The following CACNA2D3 variants were observed in gnomAD, a reference collection of about 807,000 sequenced individuals.
CACNA2D3 encodes calcium voltage-gated channel auxiliary subunit alpha2delta 3, also known as voltage-dependent calcium channel subunit alpha-2/delta-3.
CACNA2D3 carries 60 observed loss-of-function variants against 160.6 expected under a neutral mutation model. The ratio of observed to expected loss-of-function variants is 0.37; its 90% CI spans 0.30 to 0.46. CACNA2D3 has a LOEUF of 0.46. Ranked by LOEUF, CACNA2D3 falls within the 20% of genes least tolerant of loss-of-function variation. The pLI is 1.00. For synonymous variants in CACNA2D3, 558 were observed against 492.9 expected, an observed-to-expected ratio of 1.13 and a Z score of -1.75; for missense variants, 1,205 against 1,365.0, an observed-to-expected ratio of 0.88 and a Z score of 1.85.
At chr3:54,892,029 T>C (rs1700082044) in intron 25 of CACNA2D3, among the ~76,000 whole-genome samples, 1 of 152,092 alleles carries the variant, frequency 6.6e-6, no homozygotes, top group South Asian at 2.1e-4. Context: ...AGTTTCCAGG[T>C]CTAGTACCCA....
chr3:54,652,905 C>T (rs144751530), intron 11 of CACNA2D3, among the ~76,000 whole-genome samples: 128 of 151,656 alleles, frequency 8.4e-4, no homozygotes, highest in Non-Finnish European at 1.0e-3. Context: ...GTCTCAGCCT[C>T]CCAAGTAGCT....
Position 54,315,209 on chromosome 3 carries a change from C to T in CACNA2D3, c.205-5233C>T, listed in dbSNP as rs559647352. On this transcript the variant is annotated intron_variant, in intron 2 of 37. Transcript: ENST00000474759. ...ATTTCTAATTGAGGTTCCAGGGCCCCCTCCAGAATGGGCTTGCTTTGCCCT... is the reference window on the plus strand; with the variant it reads ...ATTTCTAATTGAGGTTCCAGGGCCCTCTCCAGAATGGGCTTGCTTTGCCCT... 3.9e-5 allele frequency among the ~76,000 whole-genome samples: 6 copies of T among 152,268 alleles called. No individual in the cohort carries two copies. The South Asian group carries it at 8.3e-4, about 21-fold the overall frequency.
chr3:54,531,285 G>A (rs6414584), intron 5 of CACNA2D3, among the ~76,000 whole-genome samples: 95,471 of 152,130 alleles, frequency 0.63, 30,194 homozygotes, highest in South Asian at 0.65. Flanking sequence ...AACTTGGGCC[G>A]GGACTTACAG....
chr3:54,559,158 G>A (rs1702285329), intron 5 of CACNA2D3, among the ~76,000 whole-genome samples: 1 of 152,136 alleles, frequency 6.6e-6, no homozygotes, highest in Middle Eastern at 3.4e-3. Flanking sequence ...TTTGAAACAG[G>A]GTCTTCAGAG....
intron 16 of CACNA2D3, among the ~76,000 whole-genome samples, chr3:54,846,015 G>A (rs1445302183): frequency 6.6e-6 from 1 of 152,132 alleles, no homozygotes; most frequent in Non-Finnish European, 1.5e-5. Flanking sequence ...CTTATTACAG[G>A]CAGAGAGAAG....
At chr3:54,918,864 T>C in intron 27 of CACNA2D3, 1 of 1,558,494 alleles carries the variant, frequency 6.4e-7, no homozygotes, top group Non-Finnish European at 8.7e-7. Flanking sequence ...TGTCTGGTGA[T>C]TCACAGATGA....
intron 12 of CACNA2D3, among the ~76,000 whole-genome samples, chr3:54,763,283 T>G (rs1247347405): frequency 6.6e-6 from 1 of 152,018 alleles, no homozygotes; most frequent in Non-Finnish European, 1.5e-5. Flanking sequence ...ACTTGATGCC[T>G]GAGAGAACAT....
At chr3:54,780,866 A>G (rs1461200255) in intron 13 of CACNA2D3, among the ~76,000 whole-genome samples, 2 of 152,214 alleles carry the variant, frequency 1.3e-5, no homozygotes, top group East Asian at 1.9e-4. Context: ...CCATCATAGC[A>G]CTTGACAATC....
At chr3:54,999,493 C>T (rs1702934647) in intron 31 of CACNA2D3, among the ~76,000 whole-genome samples, 1 of 152,154 alleles carries the variant, frequency 6.6e-6, no homozygotes, top group South Asian at 2.1e-4. Context: ...TTCGGAATTG[C>T]TTAATTATGT....
intron 2 of CACNA2D3, among the ~76,000 whole-genome samples, chr3:54,166,834 T>C (rs757728547): frequency 3.9e-5 from 6 of 152,254 alleles, no homozygotes; most frequent in Non-Finnish European, 7.3e-5. Flanking sequence ...GCAGACTTCA[T>C]GGTCTGAAAA....
At chr3:54,930,138 A>G (rs943753163) in intron 27 of CACNA2D3, among the ~76,000 whole-genome samples, 7 of 152,310 alleles carry the variant, frequency 4.6e-5, no homozygotes, top group African/African-American at 1.7e-4. Flanking sequence ...TTTATTTACA[A>G]AAACAGGTAG....
chr3:54,178,324 C>G (rs933811339), intron 2 of CACNA2D3, among the ~76,000 whole-genome samples: 1 of 152,212 alleles, frequency 6.6e-6, no homozygotes, highest in Non-Finnish European at 1.5e-5. Context: ...GGGTACCTAC[C>G]TTGGCCTCCT....
intron 11 of CACNA2D3, among the ~76,000 whole-genome samples, chr3:54,675,917 C>T (rs1386584985): frequency 6.6e-6 from 1 of 152,202 alleles, no homozygotes; most frequent in African/African-American, 2.4e-5. Context: ...CTCCACACCA[C>T]TTCCACCGCC....
At chr3:54,551,194 G>A (rs1261207465) in intron 5 of CACNA2D3, among the ~76,000 whole-genome samples, 1 of 152,074 alleles carries the variant, frequency 6.6e-6, no homozygotes, top group Admixed American at 6.5e-5. Context: ...GCTCTGCCAG[G>A]ACCACTCTAC....
intron 11 of CACNA2D3, among the ~76,000 whole-genome samples, chr3:54,705,350 A>G (rs915472782): frequency 6.6e-6 from 1 of 152,152 alleles, no homozygotes; most frequent in African/African-American, 2.4e-5. Flanking sequence ...AACTAGAATT[A>G]TAAGGTAACT....
chr3:54,983,377 A>G (rs1575421413), intron 29 of CACNA2D3, among the ~76,000 whole-genome samples: 1 of 152,246 alleles, frequency 6.6e-6, no homozygotes, highest in Admixed American at 6.5e-5. Flanking sequence ...ACACAGTTCT[A>G]TGAGATTGCT....
chr3:54,600,139 C>T lies in CACNA2D3; in HGVS notation c.963+18262C>T, dbSNP rs903856035. Reference sequence around the variant, plus strand: ...CAGTTCTGCGGTTTCAAGCAGTGTTCGACGCACCTTCATGGGGTTGGGGGA... The same window carrying T: ...CAGTTCTGCGGTTTCAAGCAGTGTTTGACGCACCTTCATGGGGTTGGGGGA... On this transcript the variant is annotated intron_variant, in intron 9 of 37. Transcript: ENST00000474759. Among the ~76,000 whole-genome samples, 4 of 152,048 alleles carry T rather than the reference C, an allele frequency of 2.6e-5. No individual in the cohort carries two copies. The East Asian group carries it at 5.8e-4, about 22-fold the overall frequency.
chr3:54,495,154 G>A (rs576037311), intron 4 of CACNA2D3, among the ~76,000 whole-genome samples: 16 of 152,244 alleles, frequency 1.1e-4, no homozygotes, highest in South Asian at 2.1e-4. Context: ...AGGTATTTCC[G>A]CACAGTGAGG....
intron 14 of CACNA2D3, among the ~76,000 whole-genome samples, chr3:54,825,830 C>G (rs1703736625): frequency 6.6e-6 from 1 of 152,100 alleles, no homozygotes; most frequent in African/African-American, 2.4e-5. Context: ...AAGTCTATAT[C>G]AAATCAATGT....
Sources: gnomAD v4.1 joint callset for allele counts (sites outside exome capture counted in the v4.1 genomes callset) on GRCh38, gnomAD v4.1.1 for gene constraint, MANE v1.5 for transcripts, NCBI Gene and HGNC (gene_info 2026-07-23, HGNC 2026-07-21) for gene names.